ANKRD53: variants seen among roughly 807,000 people sequenced by gnomAD.
ANKRD53 encodes the protein ankyrin repeat domain 53, also known as ankyrin repeat domain-containing protein 53.
ANKRD53 carries 27 observed loss-of-function variants against 30.1 expected under a neutral mutation model. That is an observed-to-expected ratio of 0.90 (90% CI 0.66 to 1.24). The LOEUF (loss-of-function observed/expected upper bound fraction) is 1.24. Among genes scored for constraint, ANKRD53 ranks in the 50% most tolerant of loss-of-function variants. The pLI, the probability that ANKRD53 is intolerant of heterozygous loss-of-function variation, is 0.00. For synonymous variants in ANKRD53, 286 were observed against 295.4 expected, an observed-to-expected ratio of 0.97 and a Z score of 0.33; for missense variants, 682 against 721.0, an observed-to-expected ratio of 0.95 and a Z score of 0.62.
At chr2:70,984,096 C>T in intron 5 of ANKRD53, 1 of 1,596,546 alleles carries the variant, frequency 6.3e-7, no homozygotes, top group Non-Finnish European at 8.6e-7. Flanking sequence ...ATCAGGCCAT[C>T]CAGTCCTTTC....
chr2:70,984,164 C>T, intron 5 of ANKRD53: 2 of 1,614,212 alleles, frequency 1.2e-6, no homozygotes, highest in South Asian at 1.1e-5. Context: ...CCTTTTCCCC[C>T]ATCACACCAG....
chr2:70,984,245 T>C, intron 5 of ANKRD53: 1 of 1,614,220 alleles, frequency 6.2e-7, no homozygotes, highest in Non-Finnish European at 8.5e-7. Context: ...GGGAATTGTC[T>C]TTCTGTAAGA....
rs1669917576 is a variant in ANKRD53, at chr2:70,979,101, C to A, written c.175C>A (p.Pro59Thr). The change falls in exon 2 of 6, where the codon CCC becomes ACC. Residue 59 changes from proline (P) to threonine (T), a missense_variant. By Grantham distance (38) the Pro-to-Thr change is conservative. Coordinates refer to ENST00000360589, the MANE Select transcript of ANKRD53 (RefSeq NM_001115116.2). ...TDAESKQPSQ[P>T]LPDLADHLSA... ...CCCCACTGCCCCGCCCTCCAGCCAG[C>A]CCCTGCCCGACCTCGCAGACCACCT... 1 of 1,594,610 alleles carries A rather than the reference C, an allele frequency of 6.3e-7. No individual in the cohort carries two copies. The highest frequency in any genetic ancestry group is 1.7e-5 in the Admixed American group (1 of 59,516).
In ANKRD53 at chr2:70,979,245, G is replaced by A. The variant is rs199966952; in HGVS notation, c.319G>A (p.Gly107Arg). 8.1e-6 allele frequency: 13 copies of A among 1,613,482 alleles called. No individual in the cohort carries two copies. The Admixed American group carries it at 1.5e-4, about 19-fold the overall frequency. ...DQTAIDQTAI[G>R]SYYQLFAAAV... ...GACGGCAATCGACCAGACGGCGATCGGGAGCTACTACCAGCTGTTCGCAGC... is the reference window on the plus strand; with the variant it reads ...GACGGCAATCGACCAGACGGCGATCAGGAGCTACTACCAGCTGTTCGCAGC... Residue 107 changes from glycine to arginine, a missense_variant, in exon 2 of 6, where the codon GGG becomes AGG. Physicochemically the swap from Gly to Arg is moderately radical, Grantham distance 125. Transcript: ENST00000360589.
At position 70,982,802 on chromosome 2, in the gene ANKRD53, C is replaced by A; in HGVS notation, c.903+105C>A. 1.4e-6 allele frequency: 2 copies of A among 1,463,190 alleles called. No individual in the cohort carries two copies. The highest frequency in any genetic ancestry group is 1.8e-6 in the Non-Finnish European group (2 of 1,092,378). The allele number at this position is 1,463,190 out of a possible 1,614,324, so 90.6% of individuals were successfully genotyped here. On this transcript the variant is annotated intron_variant, in intron 5 of 5. Coordinates refer to ENST00000360589, the MANE Select transcript of ANKRD53 (RefSeq NM_001115116.2). This position sits in a 1 kb window ranked among gnomAD's most constrained non-coding sequence, Gnocchi z 4.2. ...GGAGGAGTGGCTAGAAGCACTCCCA[C>A]CCTGAAAGAGCCACCCTTTCGCCTG... is the stretch of plus-strand genomic sequence containing the variant.
chr2:70,982,214 G>A lies in ANKRD53; in HGVS notation c.782+114G>A. 1 of 1,250,052 alleles carries A rather than the reference G, an allele frequency of 8.0e-7. No homozygotes were observed. Among genetic ancestry groups the A allele is most frequent in the East Asian group, 2.6e-5 (1 of 38,654 alleles). The allele number at this position is 1,250,052 out of a possible 1,614,324, so 77.4% of individuals were successfully genotyped here. A position where few individuals can be genotyped will look rare whatever the true frequency, so the allele number is the denominator to read the frequency against. ...AAGGGGAGGGTTGGGAAGCCAGACA[G>A]CTGGAGGATGCGCCTACTGCCCAGG... On this transcript the variant is annotated intron_variant, in intron 4 of 5. Coordinates refer to ENST00000360589, the MANE Select transcript of ANKRD53 (RefSeq NM_001115116.2). This position sits in a 1 kb window ranked among gnomAD's most constrained non-coding sequence, Gnocchi z 4.2.
intron 5 of ANKRD53, among the ~76,000 whole-genome samples, chr2:70,983,563 A>G (rs782467432): frequency 2.3e-4 from 35 of 152,166 alleles, no homozygotes; most frequent in Non-Finnish European, 4.0e-4. Flanking sequence ...ACTCCGGCAC[A>G]CCGGGTCTGT....
In ANKRD53 at chr2:70,979,806, C is replaced by A. The variant is rs1171911150; in HGVS notation, c.563C>A (p.Thr188Asn). Residue 188 changes from threonine to asparagine, a missense_variant, in exon 3 of 6, where the codon ACC (threonine) becomes AAC (asparagine). Physicochemically the swap from Thr to Asn is moderately conservative, Grantham distance 65. Transcript: ENST00000360589. ...CTCGTCATCCACAGGGACAACACCA[C>A]CGTGGCCCTCCCCTGCATCTACTAC... ...LHLVIHRDNT[T>N]VALPCIYYLL... 1 of 1,614,142 alleles carries A rather than the reference C, an allele frequency of 6.2e-7. No individual in the cohort carries two copies. Among genetic ancestry groups the A allele is most frequent in the African/African-American group, 1.3e-5 (1 of 74,952 alleles).
At chr2:70,979,887 G>A in intron 3 of ANKRD53, 27 bp downstream of exon 3, 1 of 1,613,808 alleles carries the variant, frequency 6.2e-7, no homozygotes, top group Non-Finnish European at 8.5e-7. Flanking sequence ...TCAGGAGGGA[G>A]GCTTCGGGCA....
rs535490240 is a variant in ANKRD53, at chr2:70,979,040, C to T, written c.171-57C>T. The T allele has an allele frequency of 5.4e-3, 8,145 of 1,504,154 alleles. 48 individuals carry two copies. The highest frequency in any genetic ancestry group is 5.6e-3 in the Non-Finnish European group (6,399 of 1,134,906). 93.2% of individuals were successfully genotyped at this position (1,504,154 alleles called of 1,614,324 possible). On this transcript the variant is annotated intron_variant, in intron 1 of 5. Coordinates refer to ENST00000360589, the MANE Select transcript of ANKRD53 (RefSeq NM_001115116.2). Reference sequence around the variant, plus strand: ...GCCAGGCGGGGGCCAGGGATCGCCTCCCGAGAGGTGCCCGGGCCGTGGCCC... The same window carrying T: ...GCCAGGCGGGGGCCAGGGATCGCCTTCCGAGAGGTGCCCGGGCCGTGGCCC...
At position 70,984,045 on chromosome 2, in the gene ANKRD53, A is replaced by G. The variant is rs146788668; in HGVS notation, c.904-566A>G. On this transcript the variant is annotated intron_variant, in intron 5 of 5. Coordinates refer to ENST00000360589, the MANE Select transcript of ANKRD53 (RefSeq NM_001115116.2). ...AGCCAGCCAACTGTATCCTCCCTAC[A>G]TGACTTCTCAAGGCCCACCACTTCC... 766 of 1,396,650 alleles carry G rather than the reference A, an allele frequency of 5.5e-4. 4 individuals are homozygous for G. In the African/African-American group the frequency reaches 9.2e-3, roughly 17 times the overall value. The allele number at this position is 1,396,650 out of a possible 1,614,324, so 86.5% of individuals were successfully genotyped here.
At position 70,978,814 on chromosome 2, in the gene ANKRD53, AGGTG is replaced by A. The variant is rs1372106419; in HGVS notation, c.170+3_170+6del. ...GACTGACGCGGAGTCCAAGCAGCCC[AGGTG>A]GGTAGCGGGAGAAGGTGTCCCGGCT... On this transcript the variant is annotated splice_donor_variant and splice_donor_region_variant and coding_sequence_variant and intron_variant, in exon 1 of 6. Coordinates refer to ENST00000360589, the MANE Select transcript of ANKRD53 (RefSeq NM_001115116.2). LOFTEE classifies it high-confidence loss of function. The surrounding 1 kb of genome is among the most constrained non-coding windows in gnomAD (Gnocchi z 4.3). 14 of 1,560,362 alleles carry A rather than the reference AGGTG, an allele frequency of 9.0e-6. No individual in the cohort carries two copies. Among genetic ancestry groups the A allele is most frequent in the Non-Finnish European group, 1.1e-5 (13 of 1,154,040 alleles).
intron 5 of ANKRD53, chr2:70,984,250 G>T (rs1330641593): frequency 6.2e-7 from 1 of 1,614,070 alleles, no homozygotes; most frequent in South Asian, 1.1e-5. Flanking sequence ...TTGTCTTTCT[G>T]TAAGACTTGA....
chr2:70,978,824 C>T lies in ANKRD53; in HGVS notation c.170+9C>T, dbSNP rs1198578533. On this transcript the variant is annotated intron_variant, in intron 1 of 5. Transcript: ENST00000360589. The surrounding 1 kb of genome is among the most constrained non-coding windows in gnomAD (Gnocchi z 4.3). Reference sequence around the variant, plus strand: ...GAGTCCAAGCAGCCCAGGTGGGTAGCGGGAGAAGGTGTCCCGGCTGCAGGG... The same window carrying T: ...GAGTCCAAGCAGCCCAGGTGGGTAGTGGGAGAAGGTGTCCCGGCTGCAGGG... 3 of 1,554,646 alleles carry T rather than the reference C, an allele frequency of 1.9e-6. No individual in the cohort carries two copies. The highest frequency in any genetic ancestry group is 2.8e-5 in the African/African-American group (2 of 72,500).
At chr2:70,978,509 A>T, upstream of ANKRD53, 2 of 1,024,930 alleles carry the variant, frequency 2.0e-6, no homozygotes, top group South Asian at 2.1e-5. This position sits in a 1 kb window ranked among gnomAD's most constrained non-coding sequence, Gnocchi z 4.3. Flanking sequence ...CCCTCCAGCT[A>T]GAGAGGCAGC....
In ANKRD53 at chr2:70,981,863, CCATCTAT is replaced by C. The variant is rs1572934845; in HGVS notation, c.618-71_618-65del. ...GAGCAGGGCTTGGAAACTGGTGTGT[CCATCTAT>C]CTGATGGACAGATGCTCTTTGTCTT... On this transcript the variant is annotated intron_variant, in intron 3 of 5. Transcript: ENST00000360589. The C allele has an allele frequency of 4.1e-6, 6 of 1,447,832 alleles. No individual in the cohort carries two copies. In the East Asian group the frequency reaches 1.5e-4, roughly 37 times the overall value. 89.7% of individuals were successfully genotyped at this position (1,447,832 alleles called of 1,614,324 possible). A position where few individuals can be genotyped will look rare whatever the true frequency, so the allele number is the denominator to read the frequency against.
rs1553424513 is a variant in ANKRD53, at chr2:70,984,997, G to C, written c.1290G>C (p.Gly430=). The C allele has an allele frequency of 1.9e-6, 3 of 1,549,172 alleles. No homozygotes were observed. Among genetic ancestry groups the C allele is most frequent in the Non-Finnish European group, 2.6e-6 (3 of 1,146,494 alleles). Residue 430 remains glycine, a synonymous_variant, in exon 6 of 6, where the codon GGG becomes GGC. Coordinates refer to ENST00000360589, the MANE Select transcript of ANKRD53 (RefSeq NM_001115116.2). ...FSSFLEVRPD[G]HGGARLHTVD... ...GCTTCCTGGAGGTGAGGCCTGATGGGCACGGCGGTGCGCGGCTGCACACAG... is the reference window on the plus strand; with the variant it reads ...GCTTCCTGGAGGTGAGGCCTGATGGCCACGGCGGTGCGCGGCTGCACACAG...
In ANKRD53 at chr2:70,984,211, A is replaced by G. The variant is rs145634727; in HGVS notation, c.904-400A>G. ...TGGCAGGACATTTCTCTACTATCAG[A>G]CTGTGGATTCCTTTGGAGAAGAAGG... On this transcript the variant is annotated intron_variant, in intron 5 of 5. Coordinates refer to ENST00000360589, the MANE Select transcript of ANKRD53 (RefSeq NM_001115116.2). The G allele has an allele frequency of 8.1e-6, 13 of 1,614,112 alleles. No individual in the cohort carries two copies. In the African/African-American group the frequency reaches 1.5e-4, roughly 18 times the overall value.
At position 70,982,056 on chromosome 2, in the gene ANKRD53, A is replaced by G. The variant is rs1553423717; in HGVS notation, c.738A>G (p.Lys246=). 2 of 1,612,950 alleles carry G rather than the reference A, an allele frequency of 1.2e-6. No individual in the cohort carries two copies. Among genetic ancestry groups the G allele is most frequent in the East Asian group, 4.5e-5 (2 of 44,792 alleles). Residue 246 remains lysine, a synonymous_variant, in exon 4 of 6, where the codon AAA becomes AAG. Coordinates refer to ENST00000360589, the MANE Select transcript of ANKRD53 (RefSeq NM_001115116.2). This position sits in a 1 kb window ranked among gnomAD's most constrained non-coding sequence, Gnocchi z 4.2. ...NVHAQDAMGY[K]PIDFCKIWNH... ...ATGCCCAAGATGCCATGGGCTACAA[A>G]CCCATTGACTTCTGCAAAATATGGA...
Sources: allele counts gnomAD v4.1 joint callset (sites outside exome capture counted in the v4.1 genomes callset), GRCh38; gene constraint gnomAD v4.1.1; non-coding constraint Gnocchi (gnomAD v3.1); transcripts MANE v1.5; gene names NCBI Gene and HGNC (gene_info 2026-07-23, HGNC 2026-07-21).